Variants in RYR3 observed in about 807,000 individuals in gnomAD.
RYR3 encodes ryanodine receptor 3.
A neutral mutation model predicts 584.3 loss-of-function variants in RYR3; 207 were observed. The ratio of observed to expected loss-of-function variants is 0.35; its 90% CI spans 0.32 to 0.40. The LOEUF (loss-of-function observed/expected upper bound fraction) is 0.40. Among genes scored for constraint, RYR3 ranks in the 10% least tolerant of loss-of-function variants. The probability of loss-of-function intolerance (pLI) is 1.00; values close to 1 mark genes in which losing one functional copy is unlikely to be tolerated. For missense variants in RYR3, 5,616 were observed against 6,089.2 expected, an observed-to-expected ratio of 0.92 and a Z score of 2.59; for synonymous variants, 2,416 against 2,248.5, an observed-to-expected ratio of 1.07 and a Z score of -2.11.
chr15:33,717,123 C>G (rs1383223047), intron 43 of RYR3, among the ~76,000 whole-genome samples: 4 of 152,170 alleles, frequency 2.6e-5, no homozygotes, highest in African/African-American at 4.8e-5. Flanking sequence ...TACTGGCCTT[C>G]AAAATATCTG....
intron 1 of RYR3, among the ~76,000 whole-genome samples, chr15:33,360,002 A>G (rs1448387532): frequency 1.3e-5 from 2 of 152,056 alleles, no homozygotes; most frequent in Admixed American, 1.3e-4. Context: ...ATTTATCATT[A>G]TGAATTGAAT....
chr15:33,367,197 C>T (rs1975626780), intron 1 of RYR3, among the ~76,000 whole-genome samples: 1 of 152,108 alleles, frequency 6.6e-6, no homozygotes, highest in African/African-American at 2.4e-5. Flanking sequence ...AGTTTATTAC[C>T]AGATGTTAAA....
In RYR3 at chr15:33,861,063, TGTTA is replaced by T. The variant is rs1182064447; in HGVS notation, c.14365-14_14365-11del. ...TATGCCAACAAATGCCTTTTCTGCC[TGTTA>T]TTTTTCTTAGACTAAATGTTTCATC... is the stretch of plus-strand genomic sequence containing the variant. On this transcript the variant is annotated splice_polypyrimidine_tract_variant and intron_variant, in intron 101 of 103. Coordinates refer to ENST00000634891, the MANE Select transcript of RYR3 (RefSeq NM_001036.6). The T allele has an allele frequency of 6.4e-7, 1 of 1,555,292 alleles. No individual in the cohort carries two copies. Among genetic ancestry groups the T allele is most frequent in the East Asian group, 2.3e-5 (1 of 43,084 alleles).
chr15:33,828,005 A>G (rs915154194), intron 85 of RYR3, among the ~76,000 whole-genome samples: 1 of 152,226 alleles, frequency 6.6e-6, no homozygotes, highest in African/African-American at 2.4e-5. Flanking sequence ...CCCTGCATCA[A>G]GCAAGTCTAT....
At chr15:33,464,922 C>G (rs1001341480) in intron 1 of RYR3, among the ~76,000 whole-genome samples, 4 of 152,156 alleles carry the variant, frequency 2.6e-5, no homozygotes, top group Admixed American at 6.5e-5. Context: ...TGACAACCAC[C>G]ATTCTACTCT....
chr15:33,838,402 C>CATTTGCTATGGCCTGTGCCTCTGT lies in RYR3; in HGVS notation c.12423_12446dup (p.Phe4142_Val4149dup). On this transcript the variant is annotated inframe_insertion, in exon 89 of 104. Transcript: ENST00000634891. ...GACGGGTCTCTTGAGCCGGCCTCTG[C>CATTTGCTATGGCCTGTGCCTCTGT]ATTTGCTATGGCCTGTGCCTCTGTG... 1 of 1,614,010 alleles carries CATTTGCTATGGCCTGTGCCTCTGT rather than the reference C, an allele frequency of 6.2e-7. No individual in the cohort carries two copies. Among genetic ancestry groups the CATTTGCTATGGCCTGTGCCTCTGT allele is most frequent in the East Asian group, 2.2e-5 (1 of 44,882 alleles).
Position 33,861,170 on chromosome 15 carries a change from C to A in RYR3, c.14457C>A (p.Ala4819=). The change falls in exon 102 of 104, where the codon GCC becomes GCA. Residue 4819 remains alanine (A), a synonymous_variant. Coordinates refer to ENST00000634891, the MANE Select transcript of RYR3 (RefSeq NM_001036.6). ...ATACATTACAAGAGCACAACTTAGC[C>A]AACTACTTGTGAGTATTCTTGGTTA... ...ETHTLQEHNL[A]NYLFFLMYLI... 6.3e-7 allele frequency: 1 copy of A among 1,585,610 alleles called. No homozygotes were observed. Among genetic ancestry groups the A allele is most frequent in the South Asian group, 1.2e-5 (1 of 86,752 alleles).
chr15:33,813,380 G>A, intron 73 of RYR3, 87 bp from the exon 74 acceptor site: 4 of 1,174,988 alleles, frequency 3.4e-6, no homozygotes, highest in East Asian at 2.4e-5. Context: ...AATTCTTCCA[G>A]AATGAAGAAG....
At chr15:33,433,954 C>T (rs2045434431) in intron 1 of RYR3, among the ~76,000 whole-genome samples, 1 of 152,162 alleles carries the variant, frequency 6.6e-6, no homozygotes, top group African/African-American at 2.4e-5. Context: ...TTTTGTGTCT[C>T]CTCCAGCTCC....
intron 38 of RYR3, among the ~76,000 whole-genome samples, chr15:33,684,496 A>G (rs2064853195): frequency 6.6e-6 from 1 of 152,206 alleles, no homozygotes; most frequent in African/African-American, 2.4e-5. Flanking sequence ...GTAGGTCACC[A>G]GCATCAAAGA....
chr15:33,466,527 A>G (rs181079728), intron 1 of RYR3, among the ~76,000 whole-genome samples: 31 of 152,338 alleles, frequency 2.0e-4, no homozygotes, highest in South Asian at 6.2e-4. Context: ...AAAAACCAAA[A>G]TAGTAAGTTG....
intron 1 of RYR3, among the ~76,000 whole-genome samples, chr15:33,328,910 A>T (rs1047456697): frequency 3.3e-5 from 5 of 151,964 alleles, no homozygotes; most frequent in African/African-American, 9.7e-5. Flanking sequence ...TTTCAGATGT[A>T]TCTCTCCTTC....
chr15:33,790,489 C>T (rs559866555), intron 67 of RYR3, among the ~76,000 whole-genome samples: 17 of 152,184 alleles, frequency 1.1e-4, no homozygotes, highest in Non-Finnish European at 2.4e-4. Context: ...TGCCTGAGTA[C>T]ATGGAAGAAT....
intron 1 of RYR3, among the ~76,000 whole-genome samples, chr15:33,413,254 C>T (rs916456341): frequency 6.6e-6 from 1 of 152,190 alleles, no homozygotes; most frequent in African/African-American, 2.4e-5. Flanking sequence ...GACTTGGATC[C>T]TCAAAAGATT....
chr15:33,762,943 C>T (rs1484418611), intron 60 of RYR3, among the ~76,000 whole-genome samples: 3 of 152,060 alleles, frequency 2.0e-5, no homozygotes, highest in African/African-American at 7.2e-5. Flanking sequence ...GAACAGAACA[C>T]AGGCCTCAGA....
intron 1 of RYR3, among the ~76,000 whole-genome samples, chr15:33,396,693 C>T (rs1451915371): frequency 6.6e-6 from 1 of 152,148 alleles, no homozygotes; most frequent in East Asian, 1.9e-4. Context: ...AAGACTGTGA[C>T]AAACTGGAGG....
At chr15:33,570,634 AT>A (rs1437025042) in intron 12 of RYR3, among the ~76,000 whole-genome samples, 1 of 152,152 alleles carries the variant, frequency 6.6e-6, no homozygotes. Context: ...TTCTGCTGGA[AT>A]TTTGATGGGT....
intron 64 of RYR3, among the ~76,000 whole-genome samples, chr15:33,779,099 G>A (rs751442764): frequency 4.6e-5 from 7 of 152,056 alleles, no homozygotes; most frequent in Non-Finnish European, 1.0e-4. Context: ...CTTCTCTCTA[G>A]TTCAGCAGAT....
At chr15:33,435,658 G>A (rs530860004) in intron 1 of RYR3, among the ~76,000 whole-genome samples, 5 of 152,208 alleles carry the variant, frequency 3.3e-5, no homozygotes, top group Non-Finnish European at 7.4e-5. Context: ...TGAAGCCACC[G>A]ACCTCAAGCG....
Sources: allele counts gnomAD v4.1 joint callset (sites outside exome capture counted in the v4.1 genomes callset), GRCh38; gene constraint gnomAD v4.1.1; transcripts MANE v1.5; gene names NCBI Gene and HGNC (gene_info 2026-07-23, HGNC 2026-07-21).